The following DPP10 variants were observed in gnomAD, a reference collection of about 807,000 sequenced individuals.
DPP10 encodes the protein dipeptidyl peptidase like 10, also known as inactive dipeptidyl peptidase 10.
DPP10 carries 33 observed loss-of-function variants against 120.9 expected under a neutral mutation model. That is an observed-to-expected ratio of 0.27 (90% CI 0.21 to 0.37). DPP10 has a LOEUF of 0.37. Ranked by LOEUF, DPP10 falls within the 10% of genes least tolerant of loss-of-function variation. The pLI, the probability that DPP10 is intolerant of heterozygous loss-of-function variation, is 1.00. For synonymous variants in DPP10, 337 were observed against 326.1 expected, an observed-to-expected ratio of 1.03 and a Z score of -0.36; for missense variants, 816 against 942.8, an observed-to-expected ratio of 0.87 and a Z score of 1.76.
At chr2:114,593,760 G>A (rs1333954551) in intron 1 of DPP10, among the ~76,000 whole-genome samples, 1 of 152,050 alleles carries the variant, frequency 6.6e-6, no homozygotes, top group Admixed American at 6.6e-5. Flanking sequence ...TTTGTGTGGG[G>A]GATTGGCGGG....
intron 1 of DPP10, among the ~76,000 whole-genome samples, chr2:114,796,233 C>A (rs1683699185): frequency 6.6e-6 from 1 of 152,098 alleles, no homozygotes; most frequent in Admixed American, 6.5e-5. Flanking sequence ...GCTGGAAGTG[C>A]TCCCAAGAAG....
chr2:114,902,074 A>G (rs1693619257), intron 1 of DPP10, among the ~76,000 whole-genome samples: 1 of 152,218 alleles, frequency 6.6e-6, no homozygotes, highest in Non-Finnish European at 1.5e-5. Context: ...AGTGCCCAGG[A>G]AAGTTTCACT....
At chr2:114,818,694 C>T (rs559351192) in intron 1 of DPP10, among the ~76,000 whole-genome samples, 1 of 152,036 alleles carries the variant, frequency 6.6e-6, no homozygotes, top group South Asian at 2.1e-4. Context: ...CAGTCGGTGT[C>T]GCTGTTCAGT....
intron 7 of DPP10, among the ~76,000 whole-genome samples, chr2:115,694,706 T>C (rs2091488553): frequency 6.6e-6 from 1 of 152,188 alleles, no homozygotes; most frequent in Admixed American, 6.5e-5. Flanking sequence ...ATGTAACTAT[T>C]GAGAACTCTA....
intron 1 of DPP10, among the ~76,000 whole-genome samples, chr2:114,527,451 AG>A (rs1685595724): frequency 6.6e-6 from 1 of 152,132 alleles, no homozygotes; most frequent in African/African-American, 2.4e-5. Context: ...TGGTTTTCTT[AG>A]GCATGAAACA....
At chr2:114,568,018 A>G (rs1689334890) in intron 1 of DPP10, among the ~76,000 whole-genome samples, 1 of 150,210 alleles carries the variant, frequency 6.7e-6, no homozygotes, top group Non-Finnish European at 1.5e-5. Flanking sequence ...CTGGAACTTA[A>G]AATTAAAAAA....
At chr2:114,658,449 A>T (rs966484073) in intron 1 of DPP10, among the ~76,000 whole-genome samples, 1 of 152,074 alleles carries the variant, frequency 6.6e-6, no homozygotes, top group African/African-American at 2.4e-5. Context: ...TTTATTATAG[A>T]TATTTTGATC....
chr2:114,886,237 T>A (rs1200351022), intron 1 of DPP10, among the ~76,000 whole-genome samples: 1 of 152,196 alleles, frequency 6.6e-6, no homozygotes, highest in Non-Finnish European at 1.5e-5. Context: ...GTCTCTGATG[T>A]TCTTTTGAAG....
intron 2 of DPP10, among the ~76,000 whole-genome samples, chr2:115,317,947 G>A (rs1243696588): frequency 6.6e-6 from 1 of 151,960 alleles, no homozygotes; most frequent in Non-Finnish European, 1.5e-5. Context: ...TTCATTTGGT[G>A]CACAAAGTTC....
At chr2:115,495,758 G>C (rs2076363624) in intron 3 of DPP10, among the ~76,000 whole-genome samples, 1 of 152,164 alleles carries the variant, frequency 6.6e-6, no homozygotes, top group South Asian at 2.1e-4. Context: ...ACACAGGCCA[G>C]ATAGTGATTC....
intron 1 of DPP10, among the ~76,000 whole-genome samples, chr2:114,585,901 G>C (rs1690942119): frequency 1.3e-5 from 2 of 152,170 alleles, no homozygotes; most frequent in South Asian, 4.1e-4. Context: ...ATAGAAAATT[G>C]AGAATGATGT....
intron 1 of DPP10, among the ~76,000 whole-genome samples, chr2:114,478,645 C>A (rs1680729238): frequency 6.6e-6 from 1 of 152,012 alleles, no homozygotes; most frequent in Non-Finnish European, 1.5e-5. Flanking sequence ...AGAAAATTAT[C>A]TCCATTTACA....
chr2:115,552,824 C>G (rs764731081), intron 5 of DPP10, among the ~76,000 whole-genome samples: 1 of 151,994 alleles, frequency 6.6e-6, no homozygotes, highest in Non-Finnish European at 1.5e-5. Context: ...AGACATAAGG[C>G]AGGGAAGACC....
chr2:115,679,861 TAGAA>T (rs1480189593), intron 5 of DPP10, among the ~76,000 whole-genome samples: 3 of 151,844 alleles, frequency 2.0e-5, no homozygotes, highest in Non-Finnish European at 4.4e-5. Flanking sequence ...TAAGAGAAGA[TAGAA>T]AGAGGTTTCA....
At chr2:115,500,610 A>T (rs2076635491) in intron 4 of DPP10, among the ~76,000 whole-genome samples, 1 of 152,048 alleles carries the variant, frequency 6.6e-6, no homozygotes, top group Non-Finnish European at 1.5e-5. Context: ...ATTGGGCTAA[A>T]TTTAACCAGC....
At chr2:115,106,814 G>A (rs182905149) in intron 1 of DPP10, among the ~76,000 whole-genome samples, 5 of 152,054 alleles carry the variant, frequency 3.3e-5, no homozygotes, top group African/African-American at 1.2e-4. Context: ...GGTGGCTCAC[G>A]CCTGTGATCC....
At chr2:115,064,062 G>A (rs1453021528) in intron 1 of DPP10, among the ~76,000 whole-genome samples, 1 of 151,840 alleles carries the variant, frequency 6.6e-6, no homozygotes, top group East Asian at 1.9e-4. Context: ...ACTTTATATT[G>A]TCGAATTTTT....
chr2:114,930,543 C>T (rs1328842351), intron 1 of DPP10, among the ~76,000 whole-genome samples: 2 of 152,220 alleles, frequency 1.3e-5, no homozygotes, highest in Non-Finnish European at 2.9e-5. Flanking sequence ...GTAAGTTCCT[C>T]ATTTCCATCT....
intron 1 of DPP10, among the ~76,000 whole-genome samples, chr2:115,272,925 A>G (rs559491076): frequency 2.6e-5 from 4 of 152,370 alleles, no homozygotes; most frequent in Non-Finnish European, 5.9e-5. Context: ...TCCAAACATT[A>G]CTTCAATCAG....
Sources: gnomAD v4.1 joint callset for allele counts (sites outside exome capture counted in the v4.1 genomes callset) on GRCh38, gnomAD v4.1.1 for gene constraint, MANE v1.5 for transcripts, NCBI Gene and HGNC (gene_info 2026-07-23, HGNC 2026-07-21) for gene names.